The following RFX4 variants were observed in gnomAD, a reference collection of about 807,000 sequenced individuals.
RFX4 encodes the protein transcription factor RFX4.
RFX4 carries 10 observed loss-of-function variants against 95.0 expected under a neutral mutation model. The observed-to-expected ratio is 0.11, with a 90% CI of 0.06 to 0.18. The LOEUF (loss-of-function observed/expected upper bound fraction) is 0.18. RFX4 is among the 10% of genes least tolerant of loss of function. The pLI is 1.00. For synonymous variants in RFX4, 321 were observed against 340.7 expected (o/e 0.94, Z 0.64); for missense variants, 640 against 922.0 (o/e 0.69, Z 3.96).
intron 17 of RFX4, among the ~76,000 whole-genome samples, chr12:106,756,016 C>T (rs1001980083): frequency 2.0e-5 from 3 of 152,044 alleles, no homozygotes; most frequent in Admixed American, 2.0e-4. Context: ...ATGTGTATGC[C>T]CTTGTTTACA....
At chr12:106,736,469 G>A (rs2042710938) in intron 15 of RFX4, among the ~76,000 whole-genome samples, 1 of 152,156 alleles carries the variant, frequency 6.6e-6, no homozygotes, top group African/African-American at 2.4e-5. Context: ...CTGCCTGAGG[G>A]CTTTGTTAAG....
At chr12:106,596,785 G>A (rs1204207793) in intron 1 of RFX4, among the ~76,000 whole-genome samples, 1 of 152,164 alleles carries the variant, frequency 6.6e-6, no homozygotes, top group Non-Finnish European at 1.5e-5. Flanking sequence ...CAAGAGTTTT[G>A]CCTGTGTAAT....
chr12:106,733,452 T>C (rs929861429), intron 15 of RFX4: 1 of 166,860 alleles, frequency 6.0e-6, no homozygotes, highest in Non-Finnish European at 1.3e-5. Context: ...GTACACATTC[T>C]GTATGCTGCT....
chr12:106,595,378 G>A (rs761354867), intron 1 of RFX4, among the ~76,000 whole-genome samples: 6 of 152,178 alleles, frequency 3.9e-5, no homozygotes, highest in Non-Finnish European at 5.9e-5. Context: ...TCATCCTGGT[G>A]GGAGACAGCA....
At chr12:106,589,519 C>A (rs2039508789) in intron 1 of RFX4, among the ~76,000 whole-genome samples, 1 of 152,190 alleles carries the variant, frequency 6.6e-6, no homozygotes, top group Non-Finnish European at 1.5e-5. Context: ...AGCCTTATCA[C>A]AACTCTGCAT....
At chr12:106,677,263 G>T (rs1371079829) in intron 4 of RFX4, among the ~76,000 whole-genome samples, 1 of 152,286 alleles carries the variant, frequency 6.6e-6, no homozygotes, top group Non-Finnish European at 1.5e-5. Context: ...GGGTCACAGG[G>T]CAAGTGGGAG....
chr12:106,712,519 GT>G (rs2042210158), intron 10 of RFX4, among the ~76,000 whole-genome samples: 1 of 152,156 alleles, frequency 6.6e-6, no homozygotes, highest in Non-Finnish European at 1.5e-5. Flanking sequence ...CAAGGTCAAG[GT>G]GGTAGGGAGG....
At chr12:106,649,877 C>T (rs2040825930) in intron 3 of RFX4, among the ~76,000 whole-genome samples, 1 of 152,180 alleles carries the variant, frequency 6.6e-6, no homozygotes, top group Non-Finnish European at 1.5e-5. Flanking sequence ...CTCCTGTCCT[C>T]CTCACATCTG....
chr12:106,687,137 C>T lies in RFX4; in HGVS notation c.591+40C>T, dbSNP rs982540184. On this transcript the variant is annotated intron_variant, in intron 6 of 17. Coordinates refer to ENST00000392842, the MANE Select transcript of RFX4 (RefSeq NM_213594.3). ...AGTGACTATTTGGGGTGGGTGGTTTCTCTCTCTTTCTCTCTCTCTCTCTGT... is the reference window on the plus strand; with the variant it reads ...AGTGACTATTTGGGGTGGGTGGTTTTTCTCTCTTTCTCTCTCTCTCTCTGT... The T allele has an allele frequency of 2.7e-6, 4 of 1,470,042 alleles. No homozygotes were observed. The African/African-American group carries it at 5.6e-5, about 21-fold the overall frequency. 91.1% of individuals were successfully genotyped at this position (1,470,042 alleles called of 1,614,324 possible). A position where few individuals can be genotyped will look rare whatever the true frequency, so the allele number is the denominator to read the frequency against.
intron 13 of RFX4, among the ~76,000 whole-genome samples, chr12:106,726,179 C>T (rs955616715): frequency 6.7e-6 from 1 of 148,586 alleles, no homozygotes; most frequent in Admixed American, 6.8e-5. Context: ...TCCCGGGAGG[C>T]AGAGGTTGCA....
chr12:106,594,314 G>A (rs1419730722), intron 1 of RFX4, among the ~76,000 whole-genome samples: 1 of 152,184 alleles, frequency 6.6e-6, no homozygotes, highest in Non-Finnish European at 1.5e-5. Flanking sequence ...AAAGCGTCGA[G>A]CGGTTGTTGT....
At chr12:106,611,583 T>C (rs1048482772) in intron 2 of RFX4, among the ~76,000 whole-genome samples, 1 of 151,978 alleles carries the variant, frequency 6.6e-6, no homozygotes, top group Non-Finnish European at 1.5e-5. Flanking sequence ...CTGTCTCGGC[T>C]CACTGCAACC....
At chr12:106,753,210 G>A (rs61943298) in intron 17 of RFX4, among the ~76,000 whole-genome samples, 40 of 151,940 alleles carry the variant, frequency 2.6e-4, no homozygotes, top group Non-Finnish European at 4.4e-4. Flanking sequence ...CTCCCTCCCC[G>A]CAGCCATGCC....
intron 1 of RFX4, among the ~76,000 whole-genome samples, chr12:106,595,891 T>C (rs1265608422): frequency 6.6e-6 from 1 of 152,158 alleles, no homozygotes; most frequent in African/African-American, 2.4e-5. Flanking sequence ...CTCAGTTTGC[T>C]TTTCAGTAAA....
chr12:106,645,792 A>AT (rs2040732575), intron 3 of RFX4: 12 of 693,744 alleles, frequency 1.7e-5, no homozygotes, highest in Non-Finnish European at 2.4e-5. Context: ...GTGACAGAAC[A>AT]TTGCTTTCAT....
At chr12:106,601,188 G>T in intron 1 of RFX4, 1 of 1,529,162 alleles carries the variant, frequency 6.5e-7, no homozygotes, top group Non-Finnish European at 8.8e-7. Context: ...GGCCACAGCT[G>T]CTGGCTTCCT....
At chr12:106,613,044 T>G (rs1425263841) in intron 2 of RFX4, among the ~76,000 whole-genome samples, 13 of 151,934 alleles carry the variant, frequency 8.6e-5, no homozygotes. Context: ...CATCGTTAGC[T>G]GTTGTTTTTT....
chr12:106,650,804 TA>T (rs1187502411), intron 3 of RFX4, among the ~76,000 whole-genome samples: 1 of 152,222 alleles, frequency 6.6e-6, no homozygotes, highest in Admixed American at 6.5e-5. Flanking sequence ...GACATTCTTT[TA>T]TTATACTCAA....
rs1197035759 is a variant in RFX4, at chr12:106,630,506, C to G, written c.131-8826C>G. The stretch of plus-strand genomic sequence containing the variant: ...AGAGGCTGATGCCCACTGCCAAAGG[C>G]CTGGGTGCCAGTCACCCTGCTCATC... On this transcript the variant is annotated intron_variant, in intron 2 of 17. Transcript: ENST00000392842. Among the ~76,000 whole-genome samples the G allele has an allele frequency of 2.0e-5, 3 of 152,330 alleles. No individual in the cohort carries two copies. The East Asian group carries it at 5.8e-4, about 29-fold the overall frequency.
Sources: allele counts gnomAD v4.1 joint callset (sites outside exome capture counted in the v4.1 genomes callset), GRCh38; gene constraint gnomAD v4.1.1; transcripts MANE v1.5; gene names NCBI Gene and HGNC (gene_info 2026-07-23, HGNC 2026-07-21).